The following ST6GAL1 variants were observed in gnomAD, a reference collection of about 807,000 sequenced individuals.
ST6GAL1 encodes the protein ST6 beta-galactoside alpha-2,6-sialyltransferase 1.
ST6GAL1 carries 20 observed loss-of-function variants against 38.0 expected under a neutral mutation model. The ratio of observed to expected loss-of-function variants is 0.53; its 90% CI spans 0.37 to 0.77. The LOEUF is 0.77. Ranked by LOEUF, ST6GAL1 falls within the 30% of genes least tolerant of loss-of-function variation. The pLI, the probability that ST6GAL1 is intolerant of heterozygous loss-of-function variation, is 0.00. For synonymous variants in ST6GAL1, 196 were observed against 188.2 expected, an observed-to-expected ratio of 1.04 and a Z score of -0.34; for missense variants, 432 against 496.4, an observed-to-expected ratio of 0.87 and a Z score of 1.23.
chr3:187,017,636 C>T (rs553309133), intron 2 of ST6GAL1, among the ~76,000 whole-genome samples: 2 of 152,222 alleles, frequency 1.3e-5, no homozygotes, highest in African/African-American at 4.8e-5. Context: ...TTTGTTAAGA[C>T]GAGCGAGGTA....
intron 2 of ST6GAL1, among the ~76,000 whole-genome samples, chr3:187,018,122 T>C (rs1717177115): frequency 6.6e-6 from 1 of 152,164 alleles, no homozygotes; most frequent in South Asian, 2.1e-4. Flanking sequence ...TGGTGAGTGC[T>C]GAGATGGAGA....
At chr3:186,932,779 T>A (rs376526894) in intron 1 of ST6GAL1, among the ~76,000 whole-genome samples, 1 of 151,744 alleles carries the variant, frequency 6.6e-6, no homozygotes, top group Non-Finnish European at 1.5e-5. Flanking sequence ...TTAACGAGAG[T>A]CCCATGGAAG....
chr3:186,999,194 G>A (rs1008477538), intron 2 of ST6GAL1, among the ~76,000 whole-genome samples: 3 of 152,218 alleles, frequency 2.0e-5, no homozygotes, highest in African/African-American at 4.8e-5. Context: ...TTCACTAGGC[G>A]GTAAGCCTCT....
At chr3:186,980,542 G>A (rs1277978570) in intron 2 of ST6GAL1, among the ~76,000 whole-genome samples, 1 of 146,426 alleles carries the variant, frequency 6.8e-6, no homozygotes, top group Admixed American at 7.1e-5. Context: ...GGTGGATCAC[G>A]AGATCAAGAG....
At chr3:186,943,938 C>T (rs189554630) in intron 1 of ST6GAL1, among the ~76,000 whole-genome samples, 255 of 152,326 alleles carry the variant, frequency 1.7e-3, no homozygotes, top group African/African-American at 5.7e-3. Context: ...CTGGCTAAGA[C>T]GATTGTTCCC....
chr3:186,957,197 C>T (rs1351012764), intron 1 of ST6GAL1, among the ~76,000 whole-genome samples: 2 of 152,206 alleles, frequency 1.3e-5, no homozygotes, highest in Non-Finnish European at 2.9e-5. Flanking sequence ...ATTCCCAGAA[C>T]TTTGGGAGGC....
chr3:186,988,127 A>T (rs1196889892), intron 2 of ST6GAL1, among the ~76,000 whole-genome samples: 1 of 152,182 alleles, frequency 6.6e-6, no homozygotes, highest in East Asian at 1.9e-4. Flanking sequence ...TTTAATTGAC[A>T]TTGGTTGTGG....
intron 1 of ST6GAL1, among the ~76,000 whole-genome samples, chr3:186,954,971 A>G (rs1276331499): frequency 6.6e-6 from 1 of 152,174 alleles, no homozygotes; most frequent in Non-Finnish European, 1.5e-5. Context: ...TGGGTTTTAC[A>G]TTTAAGTCTT....
At chr3:186,981,615 T>C (rs1187898882) in intron 2 of ST6GAL1, among the ~76,000 whole-genome samples, 2 of 152,236 alleles carry the variant, frequency 1.3e-5, no homozygotes, top group Non-Finnish European at 2.9e-5. Context: ...TGTTATCTCT[T>C]ATTAGCATTC....
At chr3:186,939,459 T>A (rs1714085806) in intron 1 of ST6GAL1, among the ~76,000 whole-genome samples, 2 of 152,138 alleles carry the variant, frequency 1.3e-5, no homozygotes, top group South Asian at 2.1e-4. Flanking sequence ...GAGCACTGAA[T>A]TCGGAGTCAG....
At chr3:187,034,307 G>A (rs1277796658) in intron 2 of ST6GAL1, among the ~76,000 whole-genome samples, 2 of 152,032 alleles carry the variant, frequency 1.3e-5, no homozygotes, top group Non-Finnish European at 2.9e-5. Context: ...TAAATTCACA[G>A]CCAAATTCTA....
rs73055070 is a variant in ST6GAL1, at chr3:187,066,219, T to C, written c.706-6630T>C. On this transcript the variant is annotated intron_variant, in intron 5 of 7. Transcript: ENST00000169298. ...TAAAATTTAATCATGATGGCAATCA[T>C]GAGTTCTGGGGCTTCTTGATTTGGG... 9.4e-3 allele frequency among the ~76,000 whole-genome samples: 1,432 copies of C among 152,272 alleles called. 26 individuals carry two copies. The highest frequency in any genetic ancestry group is 0.033 in the African/African-American group (1,368 of 41,546).
intron 2 of ST6GAL1, chr3:186,996,692 C>G (rs1396676202): frequency 6.6e-6 from 1 of 152,078 alleles, no homozygotes; most frequent in African/African-American, 2.4e-5. Flanking sequence ...GGTGACAGGG[C>G]TCATCTCATA....
chr3:187,008,468 G>A (rs149509382), intron 2 of ST6GAL1, among the ~76,000 whole-genome samples: 6 of 152,018 alleles, frequency 3.9e-5, no homozygotes, highest in South Asian at 2.1e-4. Context: ...GTGAAACCCC[G>A]TCTTTAGAAT....
At chr3:187,067,812 C>G (rs967962737) in intron 5 of ST6GAL1, among the ~76,000 whole-genome samples, 1 of 152,172 alleles carries the variant, frequency 6.6e-6, no homozygotes, top group East Asian at 1.9e-4. Context: ...ACAAACTCAT[C>G]GTAGCCTTAG....
intron 1 of ST6GAL1, among the ~76,000 whole-genome samples, chr3:186,957,924 T>G (rs1714800925): frequency 6.6e-6 from 1 of 152,172 alleles, no homozygotes. Context: ...GAATCTATGA[T>G]GCATTTGTTT....
At chr3:187,071,776 CAAAA>C (rs11330261) in intron 5 of ST6GAL1, among the ~76,000 whole-genome samples, 5 of 72,320 alleles carry the variant, frequency 6.9e-5, no homozygotes, top group Admixed American at 3.3e-4. Context: ...GACTCCGCCT[CAAAA>C]AAAAAAAAAA....
chr3:187,055,624 G>T (rs1001583523), intron 5 of ST6GAL1, among the ~76,000 whole-genome samples: 1 of 152,182 alleles, frequency 6.6e-6, no homozygotes, highest in African/African-American at 2.4e-5. Flanking sequence ...TTTTGAGTGA[G>T]TTTCTTAATC....
chr3:187,010,084 T>C (rs180764462), intron 2 of ST6GAL1, among the ~76,000 whole-genome samples: 9 of 152,288 alleles, frequency 5.9e-5, no homozygotes, highest in Admixed American at 5.2e-4. Flanking sequence ...AGAGGACAAG[T>C]TAAATTGTCC....
Sources: allele counts gnomAD v4.1 joint callset (sites outside exome capture counted in the v4.1 genomes callset), GRCh38; gene constraint gnomAD v4.1.1; transcripts MANE v1.5; gene names NCBI Gene and HGNC (gene_info 2026-07-23, HGNC 2026-07-21).